The following ZNF407 variants were observed in gnomAD, a reference collection of about 807,000 sequenced individuals.
ZNF407 encodes the protein zinc finger protein 407.
In ZNF407, 17 loss-of-function variants were observed where a neutral mutation model predicts 131.2. The ratio of observed to expected loss-of-function variants is 0.13; its 90% CI spans 0.09 to 0.19. The LOEUF is 0.19. Ranked by LOEUF, ZNF407 falls within the 10% of genes least tolerant of loss-of-function variation. ZNF407 has a pLI of 1.00. For missense variants in ZNF407, 2,681 were observed against 2,830.6 expected (o/e 0.95, Z 1.20); for synonymous variants, 1,156 against 1,062.0 (o/e 1.09, Z -1.72).
chr18:74,838,579 A>C (rs990202195), intron 4 of ZNF407, among the ~76,000 whole-genome samples: 1 of 151,870 alleles, frequency 6.6e-6, no homozygotes, highest in African/African-American at 2.4e-5. Flanking sequence ...TTTCACTTTT[A>C]TGGTAAGCTA....
chr18:74,796,845 A>G (rs1165287378), intron 4 of ZNF407, among the ~76,000 whole-genome samples: 2 of 152,144 alleles, frequency 1.3e-5, no homozygotes, highest in African/African-American at 2.4e-5. Context: ...TAACCATCAT[A>G]TTTCTTACAT....
Position 74,633,444 on chromosome 18 carries a change from T to C in ZNF407, c.2425T>C (p.Ser809Pro), listed in dbSNP as rs750895107. Reference protein sequence around the residue: ...GHIGVQLQEHSYLEKGMLASE... With the variant: ...GHIGVQLQEHPYLEKGMLASE... ...TATAGGTGTGCAATTACAAGAGCATTCCTATCTTGAGAAGGGCATGCTGGC... is the reference window on the plus strand; with the variant it reads ...TATAGGTGTGCAATTACAAGAGCATCCCTATCTTGAGAAGGGCATGCTGGC... The change falls in exon 2 of 9, where the codon TCC becomes CCC. Residue 809 changes from serine to proline, a missense_variant. Ser to Pro is a moderately conservative substitution (Grantham distance 74, BLOSUM62 -1). Transcript: ENST00000299687. 33 of 1,613,882 alleles carry C rather than the reference T, an allele frequency of 2.0e-5. No homozygotes were observed. The highest frequency in any genetic ancestry group is 1.6e-4 in the Middle Eastern group (1 of 6,084).
At chr18:74,670,702 G>A (rs776886807) in intron 3 of ZNF407, among the ~76,000 whole-genome samples, 1 of 152,146 alleles carries the variant, frequency 6.6e-6, no homozygotes, top group Non-Finnish European at 1.5e-5. Flanking sequence ...TTTTGAGACA[G>A]AATCTGTGTG....
rs1285180390 is a variant in ZNF407, at chr18:75,048,016, C to G, written c.5429-15134C>G. On this transcript the variant is annotated intron_variant, in intron 8 of 8. Coordinates refer to ENST00000299687, the MANE Select transcript of ZNF407 (RefSeq NM_017757.3). This position sits in a 1 kb window ranked among gnomAD's most constrained non-coding sequence, Gnocchi z 4.1. ...TCTTTTCTTCGTTATAGTAATGAAG[C>G]CACTAATCAGACAGCCTTATATTGG... is the stretch of plus-strand genomic sequence containing the variant. Among the ~76,000 whole-genome samples the G allele has an allele frequency of 6.6e-6, 1 of 152,212 alleles. No individual in the cohort carries two copies.
intron 3 of ZNF407, among the ~76,000 whole-genome samples, chr18:74,723,465 G>C (rs1338888321): frequency 6.6e-6 from 1 of 152,188 alleles, no homozygotes; most frequent in Non-Finnish European, 1.5e-5. Context: ...AACTTGATTA[G>C]CATCAAATAG....
chr18:74,834,731 C>T (rs1449527636), intron 4 of ZNF407, among the ~76,000 whole-genome samples: 1 of 152,134 alleles, frequency 6.6e-6, no homozygotes, highest in Admixed American at 6.5e-5. Context: ...ATGGGCAGTT[C>T]GCAGACACAG....
intron 3 of ZNF407, among the ~76,000 whole-genome samples, chr18:74,690,024 TA>T (rs1967183157): frequency 6.6e-6 from 1 of 152,154 alleles, no homozygotes; most frequent in Non-Finnish European, 1.5e-5. Flanking sequence ...CTAACCTGGG[TA>T]TGTGAATTTT....
intron 1 of ZNF407, among the ~76,000 whole-genome samples, chr18:74,601,643 T>C (rs894955457): frequency 2.6e-5 from 4 of 152,080 alleles, no homozygotes; most frequent in African/African-American, 9.7e-5. Context: ...GCATATCCCA[T>C]GGCAAGAGCA....
At chr18:74,780,542 G>A (rs935131500) in intron 3 of ZNF407, among the ~76,000 whole-genome samples, 2 of 152,124 alleles carry the variant, frequency 1.3e-5, no homozygotes, top group African/African-American at 4.8e-5. Context: ...AATAGATGCT[G>A]TTGCCTTTCA....
chr18:74,718,660 C>A (rs1967954358), intron 3 of ZNF407, among the ~76,000 whole-genome samples: 1 of 152,040 alleles, frequency 6.6e-6, no homozygotes, highest in South Asian at 2.1e-4. Flanking sequence ...CTGTACTCAG[C>A]TTTGTTAAAT....
chr18:74,718,761 T>C (rs919843982), intron 3 of ZNF407, among the ~76,000 whole-genome samples: 3 of 152,224 alleles, frequency 2.0e-5, no homozygotes, highest in African/African-American at 7.2e-5. Context: ...CCTATGACTT[T>C]TCTAAATCTA....
intron 3 of ZNF407, among the ~76,000 whole-genome samples, chr18:74,719,920 A>T (rs569975503): frequency 5.9e-5 from 9 of 152,160 alleles, no homozygotes; most frequent in Admixed American, 3.9e-4. Context: ...GGGCACCTTT[A>T]TGTCTTGGCT....
chr18:74,656,367 A>G (rs1350688970), intron 3 of ZNF407, among the ~76,000 whole-genome samples: 2 of 152,114 alleles, frequency 1.3e-5, no homozygotes, highest in Non-Finnish European at 2.9e-5. Flanking sequence ...ATACGTACAT[A>G]CATACATTTA....
chr18:74,920,722 T>C, intron 8 of ZNF407, 30 bp downstream of exon 8: 1 of 1,575,874 alleles, frequency 6.3e-7, no homozygotes, highest in South Asian at 1.1e-5. Context: ...AAAACTTGTT[T>C]CTAACAGGAT....
At chr18:74,864,728 GTGTTAA>G (rs1442212367) in intron 4 of ZNF407, among the ~76,000 whole-genome samples, 5 of 152,284 alleles carry the variant, frequency 3.3e-5, no homozygotes, top group African/African-American at 4.8e-5. Flanking sequence ...AATAATTGAA[GTGTTAA>G]TGTTTATGAG....
chr18:74,931,711 C>T (rs1453121814), intron 8 of ZNF407, among the ~76,000 whole-genome samples: 1 of 152,076 alleles, frequency 6.6e-6, no homozygotes, highest in Non-Finnish European at 1.5e-5. Flanking sequence ...TATGTTCCCG[C>T]CAGCAATGTG....
chr18:74,915,567 GCATGCA>G (rs1971743237), intron 7 of ZNF407, among the ~76,000 whole-genome samples: 1 of 137,322 alleles, frequency 7.3e-6, no homozygotes, highest in African/African-American at 2.8e-5. Flanking sequence ...GTGTGTGTGT[GCATGCA>G]TGTGTGTGCT....
chr18:74,682,307 T>C (rs1302181616), intron 3 of ZNF407, among the ~76,000 whole-genome samples: 2 of 152,108 alleles, frequency 1.3e-5, no homozygotes, highest in Non-Finnish European at 2.9e-5. Flanking sequence ...GCATTGAAAA[T>C]TGTGGTCAGA....
At chr18:74,772,952 G>A (rs895971284) in intron 3 of ZNF407, among the ~76,000 whole-genome samples, 2 of 152,126 alleles carry the variant, frequency 1.3e-5, no homozygotes, top group African/African-American at 2.4e-5. Flanking sequence ...TTACTAAATC[G>A]GGAAGGTGGT....
Sources: gnomAD v4.1 joint callset for allele counts (sites outside exome capture counted in the v4.1 genomes callset) on GRCh38, gnomAD v4.1.1 for gene constraint, Gnocchi (gnomAD v3.1) non-coding constraint, MANE v1.5 for transcripts, NCBI Gene and HGNC (gene_info 2026-07-23, HGNC 2026-07-21) for gene names.